Variants in CRADD observed in about 807,000 individuals in gnomAD.
CRADD encodes death domain-containing protein CRADD.
In CRADD, 9 loss-of-function variants were observed where a neutral mutation model predicts 15.5. That is an observed-to-expected ratio of 0.58 (90% CI 0.35 to 1.01). The LOEUF (loss-of-function observed/expected upper bound fraction) is 1.01. Ranked by LOEUF, CRADD falls within the 50% of genes least tolerant of loss-of-function variation. The pLI, the probability that CRADD is intolerant of heterozygous loss-of-function variation, is 0.02. For synonymous variants in CRADD, 118 were observed against 107.6 expected (o/e 1.10, Z -0.60); for missense variants, 227 against 250.3 (o/e 0.91, Z 0.63).
At chr12:93,702,044 C>T (rs896693991) in intron 2 of CRADD, among the ~76,000 whole-genome samples, 6 of 151,988 alleles carry the variant, frequency 3.9e-5, no homozygotes, top group Non-Finnish European at 8.8e-5. Context: ...TTATCTAACG[C>T]TTCCCTAGCT....
chr12:93,820,749 G>GA (rs1421669383), intron 2 of CRADD, among the ~76,000 whole-genome samples: 2 of 152,104 alleles, frequency 1.3e-5, no homozygotes, highest in South Asian at 2.1e-4. Context: ...ATGGATTTGT[G>GA]AAAATGTAAA....
At chr12:93,810,551 CAAAAAAAAAAAAAAAAAAAAAAAAAAAAA>C (rs56689824) in intron 2 of CRADD, among the ~76,000 whole-genome samples, 5 of 39,028 alleles carry the variant, frequency 1.3e-4, no homozygotes, top group African/African-American at 3.7e-4. Flanking sequence ...AAATCAGTCT[CAAAAAAAAAAAAAAAAAAAAAAAAAAAAA>C]AAAAAAAAAA....
chr12:93,753,043 T>C (rs2136941669), intron 2 of CRADD, among the ~76,000 whole-genome samples: 1 of 152,178 alleles, frequency 6.6e-6, no homozygotes, highest in East Asian at 1.9e-4. Context: ...CACCTCCCAC[T>C]GGGTTCTTCC....
chr12:93,837,780 G>C (rs371942546), intron 2 of CRADD: 1 of 152,126 alleles, frequency 6.6e-6, no homozygotes, highest in Non-Finnish European at 1.5e-5. Flanking sequence ...AGCCTTAGAA[G>C]TCATCTGGTT....
chr12:93,856,031 C>T (rs1479210528), intron 2 of CRADD, among the ~76,000 whole-genome samples: 1 of 152,214 alleles, frequency 6.6e-6, no homozygotes, highest in African/African-American at 2.4e-5. Flanking sequence ...TGGTCTCAAT[C>T]TCTTGACCTC....
intron 2 of CRADD, among the ~76,000 whole-genome samples, chr12:93,685,978 A>G (rs1955423545): frequency 6.7e-6 from 1 of 149,038 alleles, no homozygotes; most frequent in Non-Finnish European, 1.5e-5. Flanking sequence ...GGGGGACAAG[A>G]GCGAAACTTC....
At chr12:93,728,150 G>C (rs1322210416) in intron 2 of CRADD, among the ~76,000 whole-genome samples, 1 of 152,158 alleles carries the variant, frequency 6.6e-6, no homozygotes, top group East Asian at 1.9e-4. Flanking sequence ...AGTCACGTTT[G>C]GCTCCTTTCT....
intron 2 of CRADD, among the ~76,000 whole-genome samples, chr12:93,861,817 T>C (rs896287167): frequency 3.3e-5 from 5 of 152,210 alleles, no homozygotes; most frequent in African/African-American, 9.7e-5. Flanking sequence ...CTGAATATAT[T>C]TTATTTCATT....
intron 2 of CRADD, among the ~76,000 whole-genome samples, chr12:93,716,609 A>G (rs1440323604): frequency 1.3e-5 from 2 of 152,142 alleles, no homozygotes; most frequent in African/African-American, 4.8e-5. Context: ...CTAGACTACT[A>G]TATCGTTGGA....
At chr12:93,828,393 A>G (rs1565929681) in intron 2 of CRADD, among the ~76,000 whole-genome samples, 2 of 152,374 alleles carry the variant, frequency 1.3e-5, no homozygotes, top group East Asian at 3.9e-4. Context: ...TGCCTAAGCT[A>G]AGCAAATAAT....
chr12:93,704,828 C>T (rs571775763), intron 2 of CRADD, among the ~76,000 whole-genome samples: 1 of 152,266 alleles, frequency 6.6e-6, no homozygotes, highest in Admixed American at 6.5e-5. Flanking sequence ...TCTGTCACTC[C>T]AGTCGGCCAA....
chr12:93,754,758 T>C (rs1443282881), intron 2 of CRADD, among the ~76,000 whole-genome samples: 1 of 152,150 alleles, frequency 6.6e-6, no homozygotes, highest in East Asian at 1.9e-4. Context: ...CCAAACTTTC[T>C]CACATCTTCC....
At position 93,712,505 on chromosome 12, in the gene CRADD, A is replaced by G. The variant is rs79275667; in HGVS notation, c.298+33433A>G. Reference sequence around the variant, plus strand: ...TTATTTTGAACAGGCCAGAAAAAACATTAGTAACATTAAATTAAAGCTTGC... The same window carrying G: ...TTATTTTGAACAGGCCAGAAAAAACGTTAGTAACATTAAATTAAAGCTTGC... On this transcript the variant is annotated intron_variant, in intron 2 of 2. Coordinates refer to ENST00000332896, the MANE Select transcript of CRADD (RefSeq NM_003805.5). Among the ~76,000 whole-genome samples, 778 of 152,366 alleles carry G rather than the reference A, an allele frequency of 5.1e-3. 4 individuals are homozygous for G. Among genetic ancestry groups the G allele is most frequent in the Middle Eastern group, 0.01 (3 of 294 alleles).
At chr12:93,685,887 G>A (rs1955418213) in intron 2 of CRADD, among the ~76,000 whole-genome samples, 1 of 151,990 alleles carries the variant, frequency 6.6e-6, no homozygotes, top group South Asian at 2.1e-4. Context: ...CAGCTACTTG[G>A]GAGGCTGAGG....
intron 2 of CRADD, among the ~76,000 whole-genome samples, chr12:93,822,337 G>A (rs1238330222): frequency 6.6e-6 from 1 of 152,170 alleles, no homozygotes; most frequent in Non-Finnish European, 1.5e-5. Context: ...AGAGCCTGGA[G>A]TAAGATGGAA....
At chr12:93,818,654 C>T (rs987394559) in intron 2 of CRADD, among the ~76,000 whole-genome samples, 16 of 152,234 alleles carry the variant, frequency 1.1e-4, no homozygotes, top group African/African-American at 3.4e-4. Context: ...AGGGGTGGGG[C>T]GAGGAGTGAC....
At chr12:93,764,919 C>G (rs759777470) in intron 2 of CRADD, among the ~76,000 whole-genome samples, 2 of 151,570 alleles carry the variant, frequency 1.3e-5, no homozygotes, top group African/African-American at 4.9e-5. Flanking sequence ...TGAAAGGCAT[C>G]TATCCAGTTT....
At chr12:93,805,592 A>G (rs1177214340) in intron 2 of CRADD, among the ~76,000 whole-genome samples, 1 of 151,920 alleles carries the variant, frequency 6.6e-6, no homozygotes, top group Non-Finnish European at 1.5e-5. Context: ...AAATAAATAA[A>G]TAAATAAAAA....
chr12:93,868,686 G>A (rs1028925471), intron 2 of CRADD, among the ~76,000 whole-genome samples: 131 of 142,912 alleles, frequency 9.2e-4, no homozygotes, highest in African/African-American at 3.1e-3. Flanking sequence ...TCTCTCTCTT[G>A]CACACACACA....
Sources: allele counts gnomAD v4.1 joint callset (sites outside exome capture counted in the v4.1 genomes callset), GRCh38; gene constraint gnomAD v4.1.1; transcripts MANE v1.5; gene names NCBI Gene and HGNC (gene_info 2026-07-23, HGNC 2026-07-21).